The following ADAMTS7 variants were observed in gnomAD, a reference collection of about 807,000 sequenced individuals.
ADAMTS7 encodes A disintegrin and metalloproteinase with thrombospondin motifs 7.
ADAMTS7 carries 89 observed loss-of-function variants against 172.6 expected under a neutral mutation model. The ratio of observed to expected loss-of-function variants is 0.52; its 90% confidence interval spans 0.43 to 0.61. The LOEUF is 0.61. ADAMTS7 is among the 20% of genes least tolerant of loss of function. ADAMTS7 has a pLI of 0.00. For synonymous variants in ADAMTS7, 885 were observed against 978.4 expected (o/e 0.90, Z 1.78); for missense variants, 1,973 against 2,355.6 (o/e 0.84, Z 3.36).
Position 78,764,046 on chromosome 15 carries a change from G to A in ADAMTS7, c.4473C>T (p.Asp1491=), listed in dbSNP as rs2055096748. ...GCCGCAGTGGCCGGAGGTCCCGTGTGTCCACACACTGCACGTCCCGCACTG... is the reference window on the plus strand; with the variant it reads ...GCCGCAGTGGCCGGAGGTCCCGTGTATCCACACACTGCACGTCCCGCACTG... ...GSSVRDVQCV[D]TRDLRPLRPF... Residue 1491 remains aspartate, a synonymous_variant, in exon 21 of 24, where the codon GAC becomes GAT. Transcript: ENST00000388820. 2 of 1,538,668 alleles carry A rather than the reference G, an allele frequency of 1.3e-6. No homozygotes were observed. The highest frequency in any genetic ancestry group is 1.8e-6 in the Non-Finnish European group (2 of 1,141,310).
intron 11 of ADAMTS7, among the ~76,000 whole-genome samples, chr15:78,775,522 GCT>G (rs1567218349): frequency 1.3e-5 from 2 of 150,470 alleles, no homozygotes; most frequent in African/African-American, 4.9e-5. Context: ...ACTTGCCTCT[GCT>G]TCTCACCAGA....
chr15:78,771,944 A>C lies in ADAMTS7; in HGVS notation c.2132-115T>G, dbSNP rs3784322. On this transcript the variant is annotated intron_variant, in intron 14 of 23. Coordinates refer to ENST00000388820, the MANE Select transcript of ADAMTS7 (RefSeq NM_014272.5). This position sits in a 1 kb window ranked among gnomAD's most constrained non-coding sequence, Gnocchi z 4.9. ...TCCGCCTGCTGATGCCAAAGCTTTA[A>C]AGTCTGAGCTCCCTAAATTGCTCGG... The C allele has an allele frequency of 3.5e-6, 5 of 1,436,744 alleles. No individual in the cohort carries two copies. In the East Asian group the frequency reaches 7.1e-5, roughly 20 times the overall value. The allele number at this position is 1,436,744 out of a possible 1,614,324, so 89.0% of individuals were successfully genotyped here.
chr15:78,763,546 G>C (rs1162233988), intron 22 of ADAMTS7, among the ~76,000 whole-genome samples, 153 bp downstream of exon 22: 1 of 152,242 alleles, frequency 6.6e-6, no homozygotes, highest in Non-Finnish European at 1.5e-5. Context: ...CTCCCTGGCA[G>C]GTGTGAGCAC....
At chr15:78,783,129 A>G (rs2055454721) in intron 8 of ADAMTS7, among the ~76,000 whole-genome samples, 1 of 152,164 alleles carries the variant, frequency 6.6e-6, no homozygotes. Context: ...TCAGATACTG[A>G]AATTAGAGGA....
chr15:78,793,002 G>C (rs1346553174), intron 4 of ADAMTS7, among the ~76,000 whole-genome samples: 1 of 152,044 alleles, frequency 6.6e-6, no homozygotes, highest in Non-Finnish European at 1.5e-5. Context: ...GAAAGATGAG[G>C]CTGTCCTGAA....
In ADAMTS7 at chr15:78,798,078, G is replaced by A; in HGVS notation, c.492C>T (p.Phe164=). ...GVFQLSNEDY[F]IEPLDSAPAR... The stretch of plus-strand genomic sequence containing the variant: ...CCGGGGCACTGTCCAGGGGCTCAAT[G>A]AAGTAGTCCTCGTTGGAGAGCTGGA... The change falls in exon 3 of 24, where the codon TTC becomes TTT. Residue 164 remains phenylalanine (F), a synonymous_variant. Transcript: ENST00000388820. 1.3e-6 allele frequency: 2 copies of A among 1,564,036 alleles called. No individual in the cohort carries two copies. Among genetic ancestry groups the A allele is most frequent in the Non-Finnish European group, 1.7e-6 (2 of 1,162,754 alleles).
At chr15:78,791,409 C>A (rs1450699220) in intron 4 of ADAMTS7, among the ~76,000 whole-genome samples, 186 bp from the exon 5 acceptor site, 8 of 152,064 alleles carry the variant, frequency 5.3e-5, no homozygotes, top group Non-Finnish European at 1.2e-4. Flanking sequence ...ATGAGTGTCC[C>A]CACACCTCAC....
Position 78,800,494 on chromosome 15 carries a change from C to A in ADAMTS7, c.154G>T (p.Asp52Tyr). The A allele has an allele frequency of 6.2e-7, 1 of 1,608,484 alleles. No homozygotes were observed. Among genetic ancestry groups the A allele is most frequent in the Non-Finnish European group, 8.5e-7 (1 of 1,178,048 alleles). The change falls in exon 2 of 24, where the codon GAC becomes TAC. Residue 52 changes from aspartate (D) to tyrosine (Y), a missense_variant. Asp to Tyr is a radical substitution (Grantham distance 160, BLOSUM62 -3). This residue lies in a region of ADAMTS7 where 306 missense variants were observed against 288.0 expected (regional missense o/e 1.06). Transcript: ENST00000388820. ...TAGGACAGGAAGGAGCCCCCCGCGTCGACTCGAACCGGGTGCACGATGTCC... is the reference window on the plus strand; with the variant it reads ...TAGGACAGGAAGGAGCCCCCCGCGTAGACTCGAACCGGGTGCACGATGTCC... ...ALDIVHPVRVDAGGSFLSYEL... is the reference protein window; with the variant it reads ...ALDIVHPVRVYAGGSFLSYEL...
intron 1 of ADAMTS7, among the ~76,000 whole-genome samples, chr15:78,804,331 G>A (rs8025960): frequency 0.32 from 49,260 of 152,070 alleles, 8,373 homozygotes; most frequent in African/African-American, 0.43. Context: ...GGGAGCTCTG[G>A]CATCCATGCT....
At chr15:78,793,417 G>C (rs2055606042) in intron 4 of ADAMTS7, among the ~76,000 whole-genome samples, 1 of 150,700 alleles carries the variant, frequency 6.6e-6, no homozygotes, top group Non-Finnish European at 1.5e-5. Flanking sequence ...GCAGTTGCAT[G>C]ATCTCGGCTC....
chr15:78,766,740 G>A lies in ADAMTS7; in HGVS notation c.3171C>T (p.Pro1057=), dbSNP rs368639525. The A allele has an allele frequency of 2.0e-5, 32 of 1,610,558 alleles. No individual in the cohort carries two copies. Among genetic ancestry groups the A allele is most frequent in the African/African-American group, 5.3e-5 (4 of 74,872 alleles). The change falls in exon 19 of 24, where the codon CCC becomes CCT. Residue 1057 remains proline, a synonymous_variant. Coordinates refer to ENST00000388820, the MANE Select transcript of ADAMTS7 (RefSeq NM_014272.5). ...EEAPELDLPG[P]VFVDDFYYDY... The stretch of plus-strand genomic sequence containing the variant: ...CGTAGTAGAAGTCGTCCACAAACAC[G>A]GGCCCCGGCAGGTCCAGCTCTGGAG...
chr15:78,776,434 G>C (rs937676820), intron 10 of ADAMTS7, 101 bp from the exon 11 acceptor site: 1 of 1,473,628 alleles, frequency 6.8e-7, no homozygotes, highest in Non-Finnish European at 9.2e-7. Flanking sequence ...GAAAGGCACA[G>C]AGGGGAAGGA....
chr15:78,791,251 G>A (rs1359426389), intron 4 of ADAMTS7, 28 bp from the exon 5 acceptor site: 2 of 1,599,014 alleles, frequency 1.3e-6, no homozygotes, highest in Non-Finnish European at 8.5e-7. Context: ...GGGTCAGGTT[G>A]TCACGAGGAT....
chr15:78,796,720 A>C lies in ADAMTS7; in HGVS notation c.689T>G (p.Leu230Arg), dbSNP rs2055649827. ...GACCGACCGCTGGTGTAGACGCCTC[A>C]GCCGTGGCCGCCGCCACTGCTGCCG... ...EQRQQWRRPR[L>R]RRLHQRSVSK... The change falls in exon 4 of 24, where the codon CTG (leucine) becomes CGG (arginine). Residue 230 changes from leucine (L) to arginine (R), a missense_variant. By Grantham distance (102) the Leu-to-Arg change is moderately radical. This residue lies in a region of ADAMTS7 where 526 missense variants were observed against 662.9 expected (regional missense o/e 0.79). Transcript: ENST00000388820. The C allele has an allele frequency of 1.2e-6, 2 of 1,612,090 alleles. No individual in the cohort carries two copies. Among genetic ancestry groups the C allele is most frequent in the African/African-American group, 2.7e-5 (2 of 74,908 alleles).
Position 78,767,534 on chromosome 15 carries a change from G to A in ADAMTS7, c.2704C>T (p.Arg902Cys), listed in dbSNP as rs776321878. ...CTGCGGATGCAGAGCACGGCCCGGC[G>A]GGAGAGGCCCCCAGGCCCGCAGGAG... ...SSSCGPGGLS[R>C]RAVLCIRSVG... is the part of the protein sequence containing the mutation. The change falls in exon 18 of 24, where the codon CGC (arginine) becomes TGC (cysteine). Residue 902 changes from arginine (R) to cysteine (C), a missense_variant. Arg to Cys is a radical substitution (Grantham distance 180). Around this residue, in one of 8 missense-constraint regions of ADAMTS7, gnomAD observed 771 missense variants for 952.6 expected, o/e 0.81. Transcript: ENST00000388820. The A allele has an allele frequency of 1.0e-5, 16 of 1,589,420 alleles. No individual in the cohort carries two copies. The highest frequency in any genetic ancestry group is 2.3e-5 in the East Asian group (1 of 43,878).
At chr15:78,788,954 T>G (rs1200919452) in intron 7 of ADAMTS7, among the ~76,000 whole-genome samples, 4 of 152,222 alleles carry the variant, frequency 2.6e-5, no homozygotes, top group Non-Finnish European at 5.9e-5. Flanking sequence ...TCAGAGAGTC[T>G]AAGGAACTAG....
At chr15:78,769,457 C>G (rs545682051) in intron 16 of ADAMTS7, among the ~76,000 whole-genome samples, 1 of 152,216 alleles carries the variant, frequency 6.6e-6, no homozygotes, top group African/African-American at 2.4e-5. Context: ...CACTGCCGCT[C>G]CCTTGCAACT....
chr15:78,782,058 G>A (rs1056225520), intron 8 of ADAMTS7, among the ~76,000 whole-genome samples: 2 of 151,800 alleles, frequency 1.3e-5, no homozygotes, highest in African/African-American at 4.8e-5. Flanking sequence ...TCCCAAGATG[G>A]TCTTGCCCTG....
intron 7 of ADAMTS7, among the ~76,000 whole-genome samples, chr15:78,788,964 G>A (rs191041790): frequency 5.7e-4 from 87 of 152,342 alleles, no homozygotes; most frequent in Non-Finnish European, 2.4e-4. Flanking sequence ...TAAGGAACTA[G>A]CTAGGGTAAC....
Sources: allele counts gnomAD v4.1 joint callset (sites outside exome capture counted in the v4.1 genomes callset), GRCh38; gene constraint gnomAD v4.1.1; regional missense constraint gnomAD v4.1.1; non-coding constraint Gnocchi (gnomAD v3.1); transcripts MANE v1.5; gene names NCBI Gene and HGNC (gene_info 2026-07-23, HGNC 2026-07-21).